Variants in SUPT3H observed in about 807,000 individuals in gnomAD.
SUPT3H encodes the protein transcription initiation protein SPT3 homolog.
In SUPT3H, 44 loss-of-function variants were observed where a neutral mutation model predicts 44.3. The observed-to-expected ratio is 0.99, with a 90% confidence interval of 0.78 to 1.28. The LOEUF (loss-of-function observed/expected upper bound fraction) is 1.28. Among genes scored for constraint, SUPT3H ranks in the 50% most tolerant of loss-of-function variants. The probability of loss-of-function intolerance (pLI) is 0.00; values close to 1 mark genes in which losing one functional copy is unlikely to be tolerated. For synonymous variants in SUPT3H, 124 were observed against 125.6 expected (o/e 0.99, Z 0.09); for missense variants, 380 against 387.1 (o/e 0.98, Z 0.15).
intron 3 of SUPT3H, among the ~76,000 whole-genome samples, chr6:45,076,204 G>A (rs894267359): frequency 6.6e-6 from 1 of 152,044 alleles, no homozygotes; most frequent in Non-Finnish European, 1.5e-5. Context: ...CTGCCAAACA[G>A]GGAAACATTT....
chr6:44,842,812 T>C (rs1373813959), intron 10 of SUPT3H, among the ~76,000 whole-genome samples: 3 of 152,152 alleles, frequency 2.0e-5, no homozygotes, highest in African/African-American at 7.2e-5. Context: ...AAGATTATGG[T>C]GGTGACTATG....
intron 3 of SUPT3H, among the ~76,000 whole-genome samples, chr6:45,026,541 T>A (rs1248859527): frequency 6.6e-6 from 1 of 152,096 alleles, no homozygotes; most frequent in African/African-American, 2.4e-5. Context: ...ATATCTAATT[T>A]AAAAAATATA....
Position 44,828,463 on chromosome 6 carries a change from A to ATTCT in SUPT3H, c.*1349_*1352dup, listed in dbSNP as rs1187295302. Among the ~76,000 whole-genome samples the ATTCT allele has an allele frequency of 6.6e-6, 1 of 152,312 alleles. No individual in the cohort carries two copies. Among genetic ancestry groups the ATTCT allele is most frequent in the Non-Finnish European group, 1.5e-5 (1 of 67,992 alleles). The stretch of plus-strand genomic sequence containing the variant: ...ATAATAATATTAACTGAGCCTCATA[A>ATTCT]TTCTTTGAGTCTGATGGTTTTCAAA... On this transcript the variant is annotated 3_prime_UTR_variant, in exon 11 of 11. Transcript: ENST00000371459.
intron 10 of SUPT3H, among the ~76,000 whole-genome samples, chr6:44,891,327 G>A (rs903194295): frequency 6.6e-6 from 1 of 151,948 alleles, no homozygotes; most frequent in Non-Finnish European, 1.5e-5. Flanking sequence ...AATATTCACG[G>A]CCACATTATT....
chr6:44,839,909 C>T (rs892202414), intron 10 of SUPT3H, among the ~76,000 whole-genome samples: 9 of 152,154 alleles, frequency 5.9e-5, no homozygotes, highest in South Asian at 4.2e-4. Flanking sequence ...ACCGTGTTAG[C>T]CAGGATGGTC....
In SUPT3H at chr6:45,169,729, GC is replaced by G. The variant is rs537262659; in HGVS notation, c.102-63724del. On this transcript the variant is annotated intron_variant, in intron 2 of 10. Coordinates refer to ENST00000371459, the MANE Select transcript of SUPT3H (RefSeq NM_003599.4). The stretch of plus-strand genomic sequence containing the variant: ...ATGAGCAACGTTAATAAATCTAAGA[GC>G]TTTTTTCTGTAAAATGTAGTTTTAT... Among the ~76,000 whole-genome samples, 217 of 152,212 alleles carry G rather than the reference GC, an allele frequency of 1.4e-3. 1 individual carries two copies. The highest frequency in any genetic ancestry group is 4.9e-3 in the African/African-American group (204 of 41,524).
chr6:45,055,938 T>A (rs938352840), intron 3 of SUPT3H, among the ~76,000 whole-genome samples: 4 of 152,084 alleles, frequency 2.6e-5, no homozygotes, highest in African/African-American at 9.6e-5. Flanking sequence ...AACAAAGGAC[T>A]AATATCCAGA....
chr6:44,846,594 C>G (rs1771906569), intron 10 of SUPT3H, among the ~76,000 whole-genome samples: 1 of 151,778 alleles, frequency 6.6e-6, no homozygotes, highest in Non-Finnish European at 1.5e-5. Context: ...CAGGGGAGGG[C>G]TGAGCTTTCT....
At chr6:45,029,474 C>T (rs1022491923) in intron 3 of SUPT3H, among the ~76,000 whole-genome samples, 2 of 151,420 alleles carry the variant, frequency 1.3e-5, no homozygotes, top group African/African-American at 2.4e-5. Context: ...TAAACAATAA[C>T]TATATATTTA....
At chr6:44,869,554 G>A (rs140934588) in intron 10 of SUPT3H, among the ~76,000 whole-genome samples, 12 of 152,256 alleles carry the variant, frequency 7.9e-5, no homozygotes, top group Non-Finnish European at 1.5e-4. Context: ...GTATCTGTGT[G>A]TCTTATCTAT....
rs191568173 is a variant in SUPT3H, at chr6:45,315,718, G to A, written c.101+49483C>T. ...TACAAGCTGCTATGGAAAACAGTGT[G>A]GAAACTCCTTAAAGAACTAAAAGTA... On this transcript the variant is annotated intron_variant, in intron 2 of 10. Coordinates refer to ENST00000371459, the MANE Select transcript of SUPT3H (RefSeq NM_003599.4). 2.8e-4 allele frequency among the ~76,000 whole-genome samples: 42 copies of A among 152,090 alleles called. 1 individual carries two copies. Among genetic ancestry groups the A allele is most frequent in the Admixed American group, 2.7e-3 (41 of 15,276 alleles).
rs777693670 is a variant in SUPT3H at position 44,953,414 on chromosome 6, C to T, written c.697G>A (p.Val233Met). ...TGCCTCACAAGAAGAGCCAGATCCA[C>T]TAACTAGAAGACCAGAAGAATGAAA... ...YLAYETVAQLVDLALLVRQDM... is the reference protein window; with the variant it reads ...YLAYETVAQLMDLALLVRQDM... Residue 233 changes from valine (V) to methionine (M), a missense_variant, in exon 9 of 11, where the codon GTG becomes ATG. Val to Met is a conservative substitution (Grantham distance 21). Transcript: ENST00000371459. The T allele has an allele frequency of 4.0e-5, 65 of 1,613,398 alleles. No homozygotes were observed. Among genetic ancestry groups the T allele is most frequent in the Non-Finnish European group, 5.4e-5 (64 of 1,179,512 alleles).
intron 10 of SUPT3H, among the ~76,000 whole-genome samples, chr6:44,929,830 T>C (rs1056341163): frequency 3.3e-5 from 5 of 151,968 alleles, no homozygotes; most frequent in Admixed American, 2.6e-4. Context: ...GGCCGCGTTA[T>C]TGACACACAC....
intron 3 of SUPT3H, among the ~76,000 whole-genome samples, chr6:45,027,678 C>CA (rs1214781276): frequency 6.6e-6 from 1 of 152,152 alleles, no homozygotes; most frequent in African/African-American, 2.4e-5. Flanking sequence ...TGGTGGGCTA[C>CA]AGCTGAAATA....
intron 2 of SUPT3H, among the ~76,000 whole-genome samples, chr6:45,291,062 GA>G (rs1780237171): frequency 6.6e-6 from 1 of 152,164 alleles, no homozygotes; most frequent in Admixed American, 6.5e-5. Flanking sequence ...AGACCCTGGA[GA>G]CACCCCAAAT....
intron 9 of SUPT3H, among the ~76,000 whole-genome samples, chr6:44,948,771 G>C (rs1034618144): frequency 2.6e-5 from 4 of 152,002 alleles, no homozygotes; most frequent in African/African-American, 9.7e-5. Context: ...GGAGAAATAG[G>C]AACACTTTTA....
Position 44,913,151 on chromosome 6 carries a change from C to T in SUPT3H, c.912+19502G>A, listed in dbSNP as rs373292959. Among the ~76,000 whole-genome samples, 9 of 152,160 alleles carry T rather than the reference C, an allele frequency of 5.9e-5. No individual in the cohort carries two copies. The East Asian group carries it at 1.7e-3, about 29-fold the overall frequency. ...AGGGGATTTCTTCTCCCTTTCTTCC[C>T]AAGGCTCATCTCTATCTGCATAATG... On this transcript the variant is annotated intron_variant, in intron 10 of 10. Coordinates refer to ENST00000371459, the MANE Select transcript of SUPT3H (RefSeq NM_003599.4).
In SUPT3H at chr6:45,083,344, A is replaced by G. The variant is rs1044087979; in HGVS notation, c.186+22578T>C. Among the ~76,000 whole-genome samples the G allele has an allele frequency of 2.6e-5, 4 of 152,026 alleles. No individual in the cohort carries two copies. In the East Asian group the frequency reaches 7.7e-4, roughly 29 times the overall value. On this transcript the variant is annotated intron_variant, in intron 3 of 10. Coordinates refer to ENST00000371459, the MANE Select transcript of SUPT3H (RefSeq NM_003599.4). ...GTAGCTGGGATTATAGGCACACGCCACCACACCCGGCTAATTTTTGTATTT... is the reference window on the plus strand; with the variant it reads ...GTAGCTGGGATTATAGGCACACGCCGCCACACCCGGCTAATTTTTGTATTT...
chr6:44,913,453 T>G (rs1767358706), intron 10 of SUPT3H, among the ~76,000 whole-genome samples: 1 of 152,156 alleles, frequency 6.6e-6, no homozygotes, highest in South Asian at 2.1e-4. Context: ...ATGTTGGGAA[T>G]TTCTTAACAG....
Sources: allele counts gnomAD v4.1 joint callset (sites outside exome capture counted in the v4.1 genomes callset), GRCh38; gene constraint gnomAD v4.1.1; transcripts MANE v1.5; gene names NCBI Gene and HGNC (gene_info 2026-07-23, HGNC 2026-07-21).